MAP2: variants seen among roughly 807,000 people sequenced by gnomAD.
MAP2 encodes microtubule-associated protein 2.
Under a neutral mutation model 137.6 loss-of-function variants are expected in MAP2, and 14 were observed. The observed-to-expected ratio is 0.10, with a 90% CI of 0.07 to 0.16. The LOEUF is 0.16. Ranked by LOEUF, MAP2 falls within the 10% of genes least tolerant of loss-of-function variation. The pLI, the probability that MAP2 is intolerant of heterozygous loss-of-function variation, is 1.00. For synonymous variants in MAP2, 786 were observed against 782.3 expected, an observed-to-expected ratio of 1.00 and a Z score of -0.08; for missense variants, 2,088 against 2,191.5, an observed-to-expected ratio of 0.95 and a Z score of 0.94.
At chr2:209,648,115 T>C (rs1442713227) in intron 4 of MAP2, among the ~76,000 whole-genome samples, 1 of 151,990 alleles carries the variant, frequency 6.6e-6, no homozygotes. Flanking sequence ...TTTTTTTTTT[T>C]TTTTTTAACG....
chr2:209,660,455 G>C (rs1468334059), intron 5 of MAP2, among the ~76,000 whole-genome samples: 1 of 137,046 alleles, frequency 7.3e-6, no homozygotes, highest in Non-Finnish European at 1.5e-5. Context: ...GTGCAGTGGC[G>C]CGATCTCGGC....
At chr2:209,608,781 C>T in intron 3 of MAP2, among the ~76,000 whole-genome samples, 1 of 152,088 alleles carries the variant, frequency 6.6e-6, no homozygotes, top group East Asian at 1.9e-4. Flanking sequence ...TTATATGACC[C>T]CTACCTACAT....
chr2:209,622,220 G>T (rs1157867767), intron 3 of MAP2, among the ~76,000 whole-genome samples: 3 of 152,160 alleles, frequency 2.0e-5, no homozygotes, highest in Non-Finnish European at 4.4e-5. Flanking sequence ...AGCTGAATGT[G>T]CTGAGTAAAA....
chr2:209,730,314 G>A lies in MAP2; in HGVS notation c.5401G>A (p.Gly1801Arg). The A allele has an allele frequency of 6.2e-7, 1 of 1,614,116 alleles. No homozygotes were observed. The highest frequency in any genetic ancestry group is 8.5e-7 in the Non-Finnish European group (1 of 1,180,014). Residue 1801 changes from glycine to arginine, a missense_variant, in exon 16 of 16, where the codon GGA becomes AGA. Around this residue, in one of 6 missense-constraint regions of MAP2, gnomAD observed 112 missense variants for 201.0 expected, o/e 0.56. Transcript: ENST00000682079. ...ACGACTCAGCAATGTCTCCTCGTCT[G>A]GAAGCATCAACCTGCTCGAATCTCC... The part of the protein sequence containing the change: ...PRRLSNVSSS[G>R]SINLLESPQL...
chr2:209,707,868 A>C lies in MAP2; in HGVS notation c.4733-2046A>C, dbSNP rs116670570. 6.3e-3 allele frequency among the ~76,000 whole-genome samples: 953 copies of C among 152,266 alleles called. 8 individuals are homozygous for C. Among genetic ancestry groups the C allele is most frequent in the African/African-American group, 0.02 (842 of 41,540 alleles). ...GGAAATGACTCCTTAGAAGTTTAGAAAAAATTATTTCATATAGTAAAAATT... is the reference window on the plus strand; with the variant it reads ...GGAAATGACTCCTTAGAAGTTTAGACAAAATTATTTCATATAGTAAAAATT... On this transcript the variant is annotated intron_variant, in intron 12 of 15. Transcript: ENST00000682079.
At chr2:209,691,141 GC>G (rs3835775) in intron 7 of MAP2, among the ~76,000 whole-genome samples, 1 of 150,390 alleles carries the variant, frequency 6.6e-6, no homozygotes, top group African/African-American at 2.5e-5. Flanking sequence ...TTTTTTACCC[GC>G]CCCCCCTCAT....
intron 1 of MAP2, among the ~76,000 whole-genome samples, chr2:209,503,914 T>C (rs1475886175): frequency 6.6e-6 from 1 of 152,034 alleles, no homozygotes; most frequent in African/African-American, 2.4e-5. Flanking sequence ...TCATGCTGTA[T>C]TGAAACCCCA....
intron 2 of MAP2, among the ~76,000 whole-genome samples, chr2:209,572,476 T>A (rs368127785): frequency 7.9e-5 from 12 of 152,242 alleles, no homozygotes; most frequent in African/African-American, 2.9e-4. Flanking sequence ...AGGCAGATAG[T>A]TATAGGACTT....
intron 3 of MAP2, among the ~76,000 whole-genome samples, chr2:209,613,033 A>G (rs1313432243): frequency 6.6e-6 from 1 of 152,128 alleles, no homozygotes; most frequent in Non-Finnish European, 1.5e-5. Flanking sequence ...GACTATTGCT[A>G]AAATTACCTT....
intron 1 of MAP2, among the ~76,000 whole-genome samples, chr2:209,481,558 A>G (rs764249298): frequency 2.0e-5 from 3 of 152,200 alleles, no homozygotes; most frequent in Non-Finnish European, 2.9e-5. Context: ...ATACTATCCT[A>G]TGGCTGAGGC....
intron 2 of MAP2, among the ~76,000 whole-genome samples, chr2:209,550,751 C>G (rs2069008751): frequency 6.6e-6 from 1 of 152,066 alleles, no homozygotes; most frequent in Non-Finnish European, 1.5e-5. Context: ...ATGGTTTTGT[C>G]ATGGATTAAA....
intron 2 of MAP2, among the ~76,000 whole-genome samples, chr2:209,534,203 C>T (rs1169619514): frequency 6.6e-6 from 1 of 152,202 alleles, no homozygotes; most frequent in East Asian, 1.9e-4. Flanking sequence ...AGTATGTGTC[C>T]AGCACTGGCT....
intron 13 of MAP2, among the ~76,000 whole-genome samples, chr2:209,720,782 A>AT (rs1046917187): frequency 2.0e-5 from 3 of 151,340 alleles, no homozygotes; most frequent in East Asian, 3.9e-4. Context: ...AATAGTAGTT[A>AT]TTTTTTTTCT....
At chr2:209,719,034 CG>C (rs916311800) in intron 13 of MAP2, among the ~76,000 whole-genome samples, 1 of 151,908 alleles carries the variant, frequency 6.6e-6, no homozygotes, top group Non-Finnish European at 1.5e-5. Context: ...AAAATACTTT[CG>C]AAAGAGAGAG....
At chr2:209,654,179 G>A (rs2094986156) in intron 5 of MAP2, among the ~76,000 whole-genome samples, 2 of 152,158 alleles carry the variant, frequency 1.3e-5, no homozygotes, top group African/African-American at 4.8e-5. Flanking sequence ...TATTTAAGGG[G>A]AACAGTGATA....
chr2:209,491,209 C>A (rs1027846211), intron 1 of MAP2, among the ~76,000 whole-genome samples: 7 of 152,134 alleles, frequency 4.6e-5, no homozygotes, highest in Non-Finnish European at 1.0e-4. Context: ...GGGTAAATAA[C>A]AAAATTAAGG....
intron 13 of MAP2, 181 bp downstream of exon 13, chr2:209,710,435 A>G (rs2065040119): frequency 1.7e-6 from 1 of 598,180 alleles, no homozygotes; most frequent in South Asian, 2.2e-5. Context: ...CGAAAATCAC[A>G]TGACATGCCC....
intron 1 of MAP2, among the ~76,000 whole-genome samples, chr2:209,465,746 C>T (rs1041100611): frequency 1.3e-5 from 2 of 152,142 alleles, no homozygotes; most frequent in Non-Finnish European, 2.9e-5. Context: ...ATTTGGTTAG[C>T]AAACACCCTT....
At chr2:209,601,340 G>A (rs1440830277) in intron 3 of MAP2, among the ~76,000 whole-genome samples, 1 of 151,758 alleles carries the variant, frequency 6.6e-6, no homozygotes, top group Non-Finnish European at 1.5e-5. Flanking sequence ...TCATGAAGAA[G>A]TATCTCATTC....
Sources: gnomAD v4.1 joint callset for allele counts (sites outside exome capture counted in the v4.1 genomes callset) on GRCh38, gnomAD v4.1.1 for gene constraint, gnomAD v4.1.1 regional missense constraint, MANE v1.5 for transcripts, NCBI Gene and HGNC (gene_info 2026-07-23, HGNC 2026-07-21) for gene names.